Variants in UGT2A3 observed in about 807,000 individuals in gnomAD.
UGT2A3 encodes UDP-glucuronosyltransferase 2A3.
Under a neutral mutation model 44.1 loss-of-function variants are expected in UGT2A3, and 55 were observed. The ratio of observed to expected loss-of-function variants is 1.25; its 90% confidence interval spans 1.00 to 1.56. The LOEUF (loss-of-function observed/expected upper bound fraction) is 1.56, where lower values mean the gene tolerates loss of function less well. Ranked by LOEUF, UGT2A3 falls within the 40% of genes most tolerant of loss-of-function variation. The pLI, the probability that UGT2A3 is intolerant of heterozygous loss-of-function variation, is 0.00. For synonymous variants in UGT2A3, 243 were observed against 215.1 expected (o/e 1.13, Z -1.13); for missense variants, 733 against 621.6 (o/e 1.18, Z -1.91).
chr4:68,947,632 T>C (rs1307819624), intron 1 of UGT2A3, among the ~76,000 whole-genome samples: 1 of 151,788 alleles, frequency 6.6e-6, no homozygotes, highest in Non-Finnish European at 1.5e-5. Flanking sequence ...CAATATACTT[T>C]CCCCATTAGT....
Position 68,935,276 on chromosome 4 carries a change from G to GTATATATATATA in UGT2A3, c.865-2529_865-2518dup, listed in dbSNP as rs57286694. On this transcript the variant is annotated intron_variant, in intron 2 of 5. Transcript: ENST00000251566. ...AGGAGGTGTGTATGTATGTATGTAT[G>GTATATATATATA]TATATATATATATATATATATATAT... Among the ~76,000 whole-genome samples the GTATATATATATA allele has an allele frequency of 6.0e-3, 359 of 59,916 alleles. 10 individuals are homozygous for GTATATATATATA. Among genetic ancestry groups the GTATATATATATA allele is most frequent in the Non-Finnish European group, 8.4e-3 (249 of 29,576 alleles). The allele number at this position is 59,916 out of a possible 152,430, so 39.3% of individuals were successfully genotyped here.
intron 1 of UGT2A3, among the ~76,000 whole-genome samples, chr4:68,948,808 G>A (rs1414730512): frequency 1.3e-5 from 2 of 151,586 alleles, no homozygotes; most frequent in African/African-American, 4.8e-5. Context: ...GGCTTTTTTT[G>A]TTGCTACAAA....
At chr4:68,940,574 C>A (rs1718146058) in intron 2 of UGT2A3, among the ~76,000 whole-genome samples, 1 of 151,738 alleles carries the variant, frequency 6.6e-6, no homozygotes, top group African/African-American at 2.4e-5. Context: ...GGAGGGATAG[C>A]ATTAGGAGAA....
At position 68,933,414 on chromosome 4, in the gene UGT2A3, T is replaced by C. The variant is rs549441379; in HGVS notation, c.865-655A>G. Among the ~76,000 whole-genome samples the C allele has an allele frequency of 1.8e-4, 28 of 152,120 alleles. 3 individuals are homozygous for C. The South Asian group carries it at 5.6e-3, about 30-fold the overall frequency. On this transcript the variant is annotated intron_variant, in intron 2 of 5. Transcript: ENST00000251566. ...AATCTCCATATCAGTGTGTGAATCATTGTGAGAAGCCTTCTATGTTCCATC... is the reference window on the plus strand; with the variant it reads ...AATCTCCATATCAGTGTGTGAATCACTGTGAGAAGCCTTCTATGTTCCATC...
At chr4:68,932,260 C>A (rs888009163) in intron 3 of UGT2A3, among the ~76,000 whole-genome samples, 1 of 151,150 alleles carries the variant, frequency 6.6e-6, no homozygotes, top group East Asian at 1.9e-4. Flanking sequence ...AGAAGATATT[C>A]TTGAGATTGA....
chr4:68,935,272 G>GTGTGTATATATATA (rs1388458483), intron 2 of UGT2A3, among the ~76,000 whole-genome samples: 1 of 89,214 alleles, frequency 1.1e-5, no homozygotes. Flanking sequence ...ATGTATGTAT[G>GTGTGTATATATATA]TATGTATATA....
chr4:68,937,203 C>T (rs2109783771), intron 2 of UGT2A3, among the ~76,000 whole-genome samples: 1 of 152,226 alleles, frequency 6.6e-6, no homozygotes, highest in African/African-American at 2.4e-5. Context: ...CTCAGCTCTG[C>T]TCCAAGCAGA....
chr4:68,936,888 C>CAAAAAAAAAAAAAAAAAAAAAAAAA (rs56737078), intron 2 of UGT2A3, among the ~76,000 whole-genome samples: 2 of 46,336 alleles, frequency 4.3e-5, no homozygotes, highest in Non-Finnish European at 7.4e-5. Flanking sequence ...AAATGGAAAG[C>CAAAAAAAAAAAAAAAAAAAAAAAAA]AAAAAAAAAA....
chr4:68,950,674 C>T (rs1242272969), intron 1 of UGT2A3, among the ~76,000 whole-genome samples: 1 of 151,514 alleles, frequency 6.6e-6, no homozygotes, highest in Admixed American at 6.6e-5. Context: ...TCAAAGAAGA[C>T]CTTCTGAAGA....
At chr4:68,949,452 C>A (rs971688852) in intron 1 of UGT2A3, among the ~76,000 whole-genome samples, 15 of 151,856 alleles carry the variant, frequency 9.9e-5, no homozygotes, top group African/African-American at 3.6e-4. Context: ...ATCAAGGTGC[C>A]CCCAAGCTAA....
Position 68,928,562 on chromosome 4 carries a change from T to C in UGT2A3, c.*1251A>G, listed in dbSNP as rs1178565994. On this transcript the variant is annotated 3_prime_UTR_variant, in exon 6 of 6. Coordinates refer to ENST00000251566, the MANE Select transcript of UGT2A3 (RefSeq NM_024743.4). ...ATCATCATTTTAAAATTGAAATTAA[T>C]TTGTAGATATACCTAATCAACATCT... The C allele has an allele frequency of 6.6e-6, 1 of 152,020 alleles. No homozygotes were observed. Among genetic ancestry groups the C allele is most frequent in the South Asian group, 2.1e-4 (1 of 4,830 alleles). The allele number at this position is 152,020 out of a possible 1,614,324, so 9.4% of individuals were successfully genotyped here.
chr4:68,940,979 G>T (rs1170079804), intron 2 of UGT2A3, among the ~76,000 whole-genome samples: 1 of 151,630 alleles, frequency 6.6e-6, no homozygotes, highest in Non-Finnish European at 1.5e-5. Flanking sequence ...ATTGGGGGTA[G>T]AATCTAACAG....
chr4:68,935,908 T>C (rs1206239421), intron 2 of UGT2A3, among the ~76,000 whole-genome samples: 1 of 151,968 alleles, frequency 6.6e-6, no homozygotes, highest in Admixed American at 6.6e-5. Context: ...GAGAACGTCA[T>C]GACACATGCG....
At chr4:68,948,194 G>T (rs942700927) in intron 1 of UGT2A3, among the ~76,000 whole-genome samples, 2 of 151,720 alleles carry the variant, frequency 1.3e-5, no homozygotes, top group Non-Finnish European at 2.9e-5. Context: ...GAGTATATTA[G>T]CTAAGTCTTC....
chr4:68,944,823 C>T (rs923071026), intron 2 of UGT2A3, among the ~76,000 whole-genome samples: 17 of 151,762 alleles, frequency 1.1e-4, no homozygotes, highest in Admixed American at 9.9e-4. Context: ...TCATTAAACA[C>T]TTAAACTTTC....
In UGT2A3 at chr4:68,951,171, G is replaced by A. The variant is rs766541191; in HGVS notation, c.590C>T (p.Thr197Ile). The part of the protein sequence containing the change: ...APLSYVPVPM[T>I]GLTDRMTFLE... ...AAAGGTCATTCTGTCTGTTAGTCCT[G>A]TCATAGGCACAGGTACATAGGAAAG... The change falls in exon 1 of 6, where the codon ACA becomes ATA. Residue 197 changes from threonine to isoleucine, a missense_variant. Physicochemically the swap from Thr to Ile is moderately conservative, Grantham distance 89. Transcript: ENST00000251566. 7 of 1,611,906 alleles carry A rather than the reference G, an allele frequency of 4.3e-6. No individual in the cohort carries two copies. Among genetic ancestry groups the A allele is most frequent in the Non-Finnish European group, 5.1e-6 (6 of 1,179,010 alleles).
chr4:68,950,424 C>A (rs1015291160), intron 1 of UGT2A3, among the ~76,000 whole-genome samples: 5 of 151,912 alleles, frequency 3.3e-5, no homozygotes, highest in African/African-American at 1.2e-4. Context: ...CATTGACCAG[C>A]TCTGATCACA....
chr4:68,933,996 C>G (rs1717842964), intron 2 of UGT2A3, among the ~76,000 whole-genome samples: 1 of 151,858 alleles, frequency 6.6e-6, no homozygotes, highest in South Asian at 2.1e-4. Flanking sequence ...AAAGCTGAAT[C>G]AGGTGGTTAT....
chr4:68,934,802 T>C (rs1354990202), intron 2 of UGT2A3, among the ~76,000 whole-genome samples: 2 of 151,888 alleles, frequency 1.3e-5, no homozygotes, highest in African/African-American at 2.4e-5. Context: ...CTCAGGAGTT[T>C]GGGTTTCAGT....
Sources: gnomAD v4.1 joint callset for allele counts (sites outside exome capture counted in the v4.1 genomes callset) on GRCh38, gnomAD v4.1.1 for gene constraint, MANE v1.5 for transcripts, NCBI Gene and HGNC (gene_info 2026-07-23, HGNC 2026-07-21) for gene names.